The following CFAP299 variants were observed in gnomAD, a reference collection of about 807,000 sequenced individuals.
CFAP299 encodes cilia- and flagella-associated protein 299.
Under a neutral mutation model 27.0 loss-of-function variants are expected in CFAP299, and 21 were observed. The observed-to-expected ratio is 0.78, with a 90% CI of 0.55 to 1.12. CFAP299 has a LOEUF of 1.12. CFAP299 is among the 50% of genes most tolerant of loss of function. The probability of loss-of-function intolerance (pLI) is 0.00; values close to 1 mark genes in which losing one functional copy is unlikely to be tolerated. For synonymous variants in CFAP299, 104 were observed against 98.1 expected, an observed-to-expected ratio of 1.06 and a Z score of -0.36; for missense variants, 310 against 276.6, an observed-to-expected ratio of 1.12 and a Z score of -0.86.
intron 3 of CFAP299, among the ~76,000 whole-genome samples, chr4:80,748,933 C>A (rs1441804728): frequency 6.6e-6 from 1 of 152,166 alleles, no homozygotes; most frequent in Admixed American, 6.5e-5. Flanking sequence ...TAATCGTCTG[C>A]CCACACATAA....
At chr4:80,493,679 GCTACAGA>G (rs1278073389) in intron 2 of CFAP299, among the ~76,000 whole-genome samples, 1 of 151,316 alleles carries the variant, frequency 6.6e-6, no homozygotes, top group African/African-American at 2.4e-5. Flanking sequence ...CAATACCATA[GCTACAGA>G]CTACTCAAAC....
intron 2 of CFAP299, among the ~76,000 whole-genome samples, chr4:80,391,784 TAGTG>T (rs1344473730): frequency 2.0e-5 from 3 of 152,018 alleles, no homozygotes; most frequent in African/African-American, 7.3e-5. Flanking sequence ...CCTGGGCAAA[TAGTG>T]AGTCCCCCAT....
At chr4:80,793,131 G>GTGTGTGT (rs1727666509) in intron 3 of CFAP299, among the ~76,000 whole-genome samples, 1 of 149,110 alleles carries the variant, frequency 6.7e-6, no homozygotes, top group Non-Finnish European at 1.5e-5. Context: ...GTGTGTGTAT[G>GTGTGTGT]GTAGTTTATT....
At chr4:80,522,508 G>A (rs181139996) in intron 2 of CFAP299, among the ~76,000 whole-genome samples, 33 of 152,080 alleles carry the variant, frequency 2.2e-4, no homozygotes, top group African/African-American at 7.7e-4. Context: ...TTAATTTGAT[G>A]TATTCTCACT....
intron 3 of CFAP299, among the ~76,000 whole-genome samples, chr4:80,630,985 A>G (rs1053745792): frequency 2.0e-5 from 3 of 152,102 alleles, no homozygotes; most frequent in Admixed American, 1.3e-4. Context: ...AAATATTAAA[A>G]TTAGAAAGCA....
intron 3 of CFAP299, among the ~76,000 whole-genome samples, chr4:80,701,406 T>C (rs1489350983): frequency 6.6e-6 from 1 of 152,074 alleles, no homozygotes; most frequent in Non-Finnish European, 1.5e-5. Context: ...TTTTCAAAAA[T>C]AGCTAAATGT....
intron 2 of CFAP299, among the ~76,000 whole-genome samples, chr4:80,572,875 TGTTGAAGGACACTTAA>T (rs1484444126): frequency 2.0e-5 from 3 of 152,142 alleles, no homozygotes; most frequent in African/African-American, 7.2e-5. Flanking sequence ...ACTATTCATC[TGTTGAAGGACACTTAA>T]GTTGCTTACA....
rs541550358 is a variant in CFAP299 at position 80,515,403 on chromosome 4, T to C, written c.243-67690T>C. ...TTAATCTAGTTCTCATGCTAATTGC[T>C]ATGCTCTCCATTTCATTTTGTCTCT... On this transcript the variant is annotated intron_variant, in intron 2 of 5. Coordinates refer to ENST00000358105, the MANE Select transcript of CFAP299 (RefSeq NM_152770.3). Among the ~76,000 whole-genome samples, 92 of 152,320 alleles carry C rather than the reference T, an allele frequency of 6.0e-4. 1 individual carries two copies. The highest frequency in any genetic ancestry group is 2.0e-3 in the African/African-American group (85 of 41,594).
chr4:80,527,723 C>T (rs983518428), intron 2 of CFAP299, among the ~76,000 whole-genome samples: 4 of 152,088 alleles, frequency 2.6e-5, no homozygotes, highest in African/African-American at 9.7e-5. Flanking sequence ...CCTGGCCTGA[C>T]CCCTCTGTTT....
intron 2 of CFAP299, among the ~76,000 whole-genome samples, chr4:80,405,838 A>C (rs971613285): frequency 6.6e-6 from 1 of 152,154 alleles, no homozygotes; most frequent in African/African-American, 2.4e-5. Context: ...TGAAGAGAAC[A>C]TTATTTTTCT....
At chr4:80,610,910 CCTG>C (rs1560654833) in intron 3 of CFAP299, among the ~76,000 whole-genome samples, 1 of 151,878 alleles carries the variant, frequency 6.6e-6, no homozygotes, top group African/African-American at 2.4e-5. Flanking sequence ...AGCTGGTCAC[CCTG>C]TAAGTTTCTT....
chr4:80,559,720 G>C (rs932417320), intron 2 of CFAP299, among the ~76,000 whole-genome samples: 1 of 152,186 alleles, frequency 6.6e-6, no homozygotes, highest in Non-Finnish European at 1.5e-5. Context: ...TATCCTGCTA[G>C]AGTAAAAAGG....
At chr4:80,431,391 C>T (rs553286328) in intron 2 of CFAP299, among the ~76,000 whole-genome samples, 1 of 144,848 alleles carries the variant, frequency 6.9e-6, no homozygotes, top group South Asian at 2.3e-4. Context: ...CTTCTTCCTC[C>T]CTCTCTTCCT....
At chr4:80,590,881 T>C (rs1736700718) in intron 3 of CFAP299, among the ~76,000 whole-genome samples, 1 of 152,024 alleles carries the variant, frequency 6.6e-6, no homozygotes, top group African/African-American at 2.4e-5. Flanking sequence ...GATTGAAGAA[T>C]AGGCTTTTAC....
At chr4:80,430,426 C>T (rs181921155) in intron 2 of CFAP299, among the ~76,000 whole-genome samples, 1 of 152,342 alleles carries the variant, frequency 6.6e-6, no homozygotes, top group East Asian at 1.9e-4. Flanking sequence ...TGTTCGTTCT[C>T]AATTTCCTTT....
At chr4:80,769,298 T>C (rs965771791) in intron 3 of CFAP299, among the ~76,000 whole-genome samples, 7 of 152,210 alleles carry the variant, frequency 4.6e-5, no homozygotes, top group South Asian at 4.1e-4. Context: ...AGCAAGTCTA[T>C]TATAAAACTT....
intron 3 of CFAP299, among the ~76,000 whole-genome samples, chr4:80,789,875 A>G (rs569265452): frequency 5.1e-4 from 77 of 152,186 alleles, no homozygotes; most frequent in Middle Eastern, 6.8e-3. Context: ...TTTTGCTGTC[A>G]TAGACCACTC....
chr4:80,651,367 CTT>C (rs11365987), intron 3 of CFAP299, among the ~76,000 whole-genome samples: 9 of 133,788 alleles, frequency 6.7e-5, no homozygotes, highest in African/African-American at 1.9e-4. Flanking sequence ...TCTTCTTCTT[CTT>C]TTTTTTTTTT....
intron 3 of CFAP299, among the ~76,000 whole-genome samples, chr4:80,750,264 T>C (rs1724858677): frequency 6.6e-6 from 1 of 152,178 alleles, no homozygotes; most frequent in African/African-American, 2.4e-5. Flanking sequence ...ATTTGATATA[T>C]CTAGATATAA....
Sources: gnomAD v4.1 joint callset for allele counts (sites outside exome capture counted in the v4.1 genomes callset) on GRCh38, gnomAD v4.1.1 for gene constraint, MANE v1.5 for transcripts, NCBI Gene and HGNC (gene_info 2026-07-23, HGNC 2026-07-21) for gene names.